Variants in SYNE1 observed in about 807,000 individuals in gnomAD.
SYNE1 encodes the protein nesprin-1.
SYNE1 carries 616 observed loss-of-function variants against 1,111.0 expected under a neutral mutation model. That is an observed-to-expected ratio of 0.55 (90% CI 0.52 to 0.59). The LOEUF (loss-of-function observed/expected upper bound fraction) is 0.59. Ranked by LOEUF, SYNE1 falls within the 20% of genes least tolerant of loss-of-function variation. The pLI is 0.00. For missense variants in SYNE1, 10,006 were observed against 10,417.0 expected, an observed-to-expected ratio of 0.96 and a Z score of 1.72; for synonymous variants, 3,855 against 3,825.8, an observed-to-expected ratio of 1.01 and a Z score of -0.28.
At chr6:152,478,384 A>G (rs2098847596) in intron 14 of SYNE1, 1 of 152,250 alleles carries the variant, frequency 6.6e-6, no homozygotes, top group Non-Finnish European at 1.5e-5. Context: ...TTGTATGTGG[A>G]TGAGTAAACT....
intron 12 of SYNE1, among the ~76,000 whole-genome samples, chr6:152,486,068 G>A (rs1271533290): frequency 7.2e-5 from 11 of 152,058 alleles, no homozygotes; most frequent in Non-Finnish European, 1.3e-4. Flanking sequence ...AGTGGCGCAT[G>A]CCTGTAGTCC....
chr6:152,624,211 TA>T (rs2099681562), intron 3 of SYNE1, among the ~76,000 whole-genome samples: 1 of 152,266 alleles, frequency 6.6e-6, no homozygotes, highest in East Asian at 1.9e-4. Context: ...ATACAACACC[TA>T]AGCATGCACA....
intron 89 of SYNE1, 138 bp downstream of exon 89, chr6:152,310,258 A>G (rs2095506712): frequency 1.0e-5 from 14 of 1,334,414 alleles, no homozygotes; most frequent in Non-Finnish European, 1.3e-5. Flanking sequence ...CCTGGCCAAC[A>G]TAGGGATACC....
At chr6:152,482,939 T>C in intron 14 of SYNE1, 146 bp downstream of exon 14, 1 of 923,610 alleles carries the variant, frequency 1.1e-6, no homozygotes. Flanking sequence ...AACAATCAAA[T>C]TAGAGAACTC....
At chr6:152,521,813 T>C (rs1244115577) in intron 5 of SYNE1, among the ~76,000 whole-genome samples, 1 of 152,200 alleles carries the variant, frequency 6.6e-6, no homozygotes, top group African/African-American at 2.4e-5. Flanking sequence ...CTTCTGCCAG[T>C]TGTTTTAAAG....
chr6:152,215,062 T>G lies in SYNE1; in HGVS notation c.22192-2A>C, dbSNP rs563076743. ...GCTGCTGAATTTTAACATCTGTCCC[T>G]AGAAGGAAGATTTAAAAGTAGGTTT... On this transcript the variant is annotated splice_acceptor_variant, in intron 121 of 145. Coordinates refer to ENST00000367255, the MANE Select transcript of SYNE1 (RefSeq NM_182961.4). LOFTEE classifies it high-confidence loss of function. The G allele has an allele frequency of 6.2e-7, 1 of 1,613,984 alleles. No homozygotes were observed. Among genetic ancestry groups the G allele is most frequent in the East Asian group, 2.2e-5 (1 of 44,872 alleles).
At chr6:152,489,251 A>G (rs572503490) in intron 11 of SYNE1, among the ~76,000 whole-genome samples, 5 of 152,314 alleles carry the variant, frequency 3.3e-5, no homozygotes, top group South Asian at 2.1e-4. Context: ...AAGTATTCAT[A>G]ATCATACCGT....
Position 152,430,599 on chromosome 6 carries a change from G to T in SYNE1, c.4572C>A (p.Ala1524=). ...VTTGESARIK[A]KLTQIRRYGE... ...CGTATCTTCTTATTTGTGTCAACTTGGCTTTAATTCGAGCAGATTCTCCAG... is the reference window on the plus strand; with the variant it reads ...CGTATCTTCTTATTTGTGTCAACTTTGCTTTAATTCGAGCAGATTCTCCAG... Residue 1524 remains alanine (A), a synonymous_variant, in exon 35 of 146, where the codon GCC becomes GCA. Transcript: ENST00000367255. 6.2e-7 allele frequency: 1 copy of T among 1,614,084 alleles called. No individual in the cohort carries two copies. The highest frequency in any genetic ancestry group is 1.1e-5 in the South Asian group (1 of 91,070).
chr6:152,485,053 A>C, intron 12 of SYNE1, 81 bp from the exon 13 acceptor site: 1 of 1,440,128 alleles, frequency 6.9e-7, no homozygotes, highest in Non-Finnish European at 9.5e-7. Context: ...CTAAATAACA[A>C]TCTTTTCTAT....
intron 75 of SYNE1, among the ~76,000 whole-genome samples, chr6:152,337,457 T>A (rs2096424554): frequency 6.6e-6 from 1 of 152,136 alleles, no homozygotes; most frequent in African/African-American, 2.4e-5. Flanking sequence ...ACCCAACTAA[T>A]TTTGTATTTT....
At chr6:152,426,129 G>A (rs2098349957) in intron 38 of SYNE1, among the ~76,000 whole-genome samples, 1 of 152,102 alleles carries the variant, frequency 6.6e-6, no homozygotes, top group Non-Finnish European at 1.5e-5. Context: ...AGTGCTGTGA[G>A]GTGCATAAAA....
Position 152,340,837 on chromosome 6 carries a change from G to A in SYNE1, c.12226-1471C>T, listed in dbSNP as rs545661334. 3.9e-5 allele frequency among the ~76,000 whole-genome samples: 6 copies of A among 152,298 alleles called. No homozygotes were observed. The South Asian group carries it at 6.2e-4, about 16-fold the overall frequency. ...TGCCACAGGGGTGGCAGGCAGCTAT[G>A]GTGTCCAGGTGTTAGGCTACTGCAG... On this transcript the variant is annotated intron_variant, in intron 74 of 145. Coordinates refer to ENST00000367255, the MANE Select transcript of SYNE1 (RefSeq NM_182961.4).
chr6:152,321,155 T>A, intron 84 of SYNE1, 83 bp downstream of exon 84: 1 of 1,481,998 alleles, frequency 6.7e-7, no homozygotes, highest in Non-Finnish European at 9.3e-7. Flanking sequence ...GAAGACATTA[T>A]TGTGAAAATC....
intron 42 of SYNE1, among the ~76,000 whole-genome samples, chr6:152,412,411 G>A (rs376798886): frequency 2.0e-5 from 3 of 147,070 alleles, no homozygotes; most frequent in Admixed American, 6.8e-5. Context: ...GCGACAGAGC[G>A]AGACTCCGTC....
Position 152,189,262 on chromosome 6 carries a change from A to G in SYNE1, c.23291T>C (p.Leu7764Pro), listed in dbSNP as rs2071491116. The G allele has an allele frequency of 2.5e-6, 4 of 1,613,824 alleles. No individual in the cohort carries two copies. Reference protein sequence around the residue: ...VELLQRQWEELCHQLSLRRQQ... With the variant: ...VELLQRQWEEPCHQLSLRRQQ... ...TAGAACTTATCTTACCTGGTGGCAT[A>G]GTTCTTCCCACTGCCTTTGCAGAAG... The change falls in exon 128 of 146, where the codon CTA becomes CCA. Residue 7764 changes from leucine (L) to proline (P), a missense_variant. Coordinates refer to ENST00000367255, the MANE Select transcript of SYNE1 (RefSeq NM_182961.4).
rs554804767 is a variant in SYNE1 at position 152,258,029 on chromosome 6, C to A, written c.18973-1264G>T. On this transcript the variant is annotated intron_variant, in intron 101 of 145. Coordinates refer to ENST00000367255, the MANE Select transcript of SYNE1 (RefSeq NM_182961.4). ...ATTCTTCTGGCATCCATACAGAGAACAATGACAAAAAATAAATAAGGGGAA... is the reference window on the plus strand; with the variant it reads ...ATTCTTCTGGCATCCATACAGAGAAAAATGACAAAAAATAAATAAGGGGAA... 3.9e-5 allele frequency among the ~76,000 whole-genome samples: 6 copies of A among 152,110 alleles called. No individual in the cohort carries two copies. The East Asian group carries it at 1.2e-3, about 29-fold the overall frequency.
chr6:152,462,842 A>G lies in SYNE1; in HGVS notation c.2146T>C (p.Cys716Arg), dbSNP rs111241967. The G allele has an allele frequency of 6.2e-7, 1 of 1,613,990 alleles. No homozygotes were observed. Among genetic ancestry groups the G allele is most frequent in the African/African-American group, 1.3e-5 (1 of 75,046 alleles). Residue 716 changes from cysteine (C) to arginine (R), a missense_variant, in exon 20 of 146, where the codon TGT becomes CGT. Coordinates refer to ENST00000367255, the MANE Select transcript of SYNE1 (RefSeq NM_182961.4). ...MDRMKKEYTDCVVTLSAFATE... is the reference protein window; with the variant it reads ...MDRMKKEYTDRVVTLSAFATE... ...GCAAAAGCAGACAGGGTAACAACAC[A>G]GTCTGTGTATTCCTTCTTCATTCTG...
chr6:152,406,917 A>T, intron 45 of SYNE1, 97 bp downstream of exon 45: 1 of 913,594 alleles, frequency 1.1e-6, no homozygotes, highest in Non-Finnish European at 1.5e-6. Context: ...AATAAAAGTT[A>T]AAAGAAGAAT....
chr6:152,498,644 T>A (rs1474467136), intron 11 of SYNE1, 98 bp downstream of exon 11: 1 of 755,072 alleles, frequency 1.3e-6, no homozygotes, highest in South Asian at 2.2e-5. Context: ...AAGAGAAATG[T>A]ATACATAAAG....
Sources: allele counts gnomAD v4.1 joint callset (sites outside exome capture counted in the v4.1 genomes callset), GRCh38; gene constraint gnomAD v4.1.1; transcripts MANE v1.5; gene names NCBI Gene and HGNC (gene_info 2026-07-23, HGNC 2026-07-21).